KHDC1: variants seen among roughly 807,000 people sequenced by gnomAD.
The protein encoded by KHDC1 is KH domain containing 1.
Under a neutral mutation model 24.7 loss-of-function variants are expected in KHDC1, and 21 were observed. The observed-to-expected ratio is 0.85, with a 90% CI of 0.60 to 1.23. The LOEUF (loss-of-function observed/expected upper bound fraction) is 1.23. Among genes scored for constraint, KHDC1 ranks in the 50% most tolerant of loss-of-function variants. The pLI is 0.00. For synonymous variants in KHDC1, 98 were observed against 111.7 expected, an observed-to-expected ratio of 0.88 and a Z score of 0.77; for missense variants, 274 against 298.5, an observed-to-expected ratio of 0.92 and a Z score of 0.61.
At chr6:73,256,623 C>T (rs1766884301) in intron 2 of KHDC1, among the ~76,000 whole-genome samples, 2 of 152,208 alleles carry the variant, frequency 1.3e-5, no homozygotes, top group South Asian at 4.1e-4. Context: ...CACACTTTAG[C>T]ACTGCACATT....
chr6:73,263,214 A>G lies in KHDC1; in HGVS notation c.207-20684T>C, dbSNP rs1156627046. On this transcript the variant is annotated intron_variant, in intron 2 of 4. Transcript: ENST00000370384. ...GCGGAAGTGGCGGCGACCCCGCCGG[A>G]AGCGCGCGGCTGCGGCGCGGGAAGC... 9.1e-5 allele frequency: 90 copies of G among 986,958 alleles called. No individual in the cohort carries two copies. The highest frequency in any genetic ancestry group is 1.1e-4 in the Non-Finnish European group (89 of 830,810). The allele number at this position is 986,958 out of a possible 1,614,324, so 61.1% of individuals were successfully genotyped here.
rs796439019 is a variant in KHDC1 at position 73,288,440 on chromosome 6, G to A, written c.206+3558C>T. Among the ~76,000 whole-genome samples, 5 of 152,246 alleles carry A rather than the reference G, an allele frequency of 3.3e-5. No homozygotes were observed. In the South Asian group the frequency reaches 1.0e-3, roughly 32 times the overall value. On this transcript the variant is annotated intron_variant, in intron 2 of 4. Transcript: ENST00000370384. ...GTTCAAGACCAGCCTGGGCAACATG[G>A]TTAAACCCCATCTCTACTAAAAATA... is the stretch of plus-strand genomic sequence containing the variant.
intron 1 of KHDC1, among the ~76,000 whole-genome samples, chr6:73,294,657 T>G (rs1359724376): frequency 6.6e-6 from 1 of 152,222 alleles, no homozygotes; most frequent in Non-Finnish European, 1.5e-5. Context: ...AGTGATAAAT[T>G]ATTTAATTTT....
intron 1 of KHDC1, among the ~76,000 whole-genome samples, chr6:73,303,045 C>G (rs1284350443): frequency 6.6e-6 from 1 of 152,084 alleles, no homozygotes; most frequent in Admixed American, 6.6e-5. Context: ...CCACTGCACT[C>G]CAGCCTGGGC....
Position 73,285,277 on chromosome 6 carries a change from G to A in KHDC1, c.206+6721C>T, listed in dbSNP as rs561689556. Among the ~76,000 whole-genome samples the A allele has an allele frequency of 5.3e-5, 8 of 151,888 alleles. No individual in the cohort carries two copies. The East Asian group carries it at 5.8e-4, about 11-fold the overall frequency. ...AATTCCACCAGTCCTACCAGAGACC[G>A]CAGGTTGACTCTGCTGATTTGGCCT... is the stretch of plus-strand genomic sequence containing the variant. On this transcript the variant is annotated intron_variant, in intron 2 of 4. Transcript: ENST00000370384.
At chr6:73,242,006 A>G in intron 4 of KHDC1, 49 bp downstream of exon 3, 1 of 1,560,230 alleles carries the variant, frequency 6.4e-7, no homozygotes, top group Middle Eastern at 1.7e-4. Flanking sequence ...CAACTTAGCC[A>G]GAACTCCACC....
intron 2 of KHDC1, chr6:73,269,143 A>T (rs1767136021): frequency 6.5e-6 from 1 of 153,506 alleles, no homozygotes; most frequent in Admixed American, 6.5e-5. Context: ...GCCCGGGGCC[A>T]GCAGGGCCGG....
chr6:73,286,936 G>A (rs1767534337), intron 2 of KHDC1, among the ~76,000 whole-genome samples: 1 of 151,772 alleles, frequency 6.6e-6, no homozygotes, highest in Non-Finnish European at 1.5e-5. Context: ...CCCTGACTAG[G>A]ATCCTGAAAG....
Position 73,309,719 on chromosome 6 carries a change from C to T in KHDC1, c.-5G>A, listed in dbSNP as rs958719399. On this transcript the variant is annotated 5_prime_UTR_variant, in exon 1 of 5. Transcript: ENST00000370384. ...CCTCTGGAAGGCCGACAGCATTTCG[C>T]GTTTCTGGCCTGGGAAAGTAAGGGT... 5.2e-6 allele frequency: 8 copies of T among 1,549,566 alleles called. No homozygotes were observed. In the African/African-American group the frequency reaches 5.5e-5, roughly 11 times the overall value.
At position 73,271,163 on chromosome 6, in the gene KHDC1, C is replaced by A. The variant is rs192836226; in HGVS notation, c.206+20835G>T. 1.2e-3 allele frequency among the ~76,000 whole-genome samples: 187 copies of A among 152,098 alleles called. 1 individual carries two copies. The highest frequency in any genetic ancestry group is 2.0e-3 in the Non-Finnish European group (139 of 67,986). On this transcript the variant is annotated intron_variant, in intron 2 of 4. Coordinates refer to ENST00000370384, the Ensembl canonical transcript of KHDC1. ...AGAATGTAGCAAAGTCTATTAATTT[C>A]TTTTTGAAATATATAGACATGATGT...
At chr6:73,261,298 C>T (rs1766975020) in intron 2 of KHDC1, among the ~76,000 whole-genome samples, 1 of 151,790 alleles carries the variant, frequency 6.6e-6, no homozygotes, top group African/African-American at 2.4e-5. Context: ...CAAAAATTAG[C>T]TGGGCATGGT....
At chr6:73,266,026 TACAAAAAGCATTG>T (rs971183578) in intron 2 of KHDC1, among the ~76,000 whole-genome samples, 4 of 152,156 alleles carry the variant, frequency 2.6e-5, no homozygotes, top group African/African-American at 9.7e-5. Flanking sequence ...TTAGTATCCA[TACAAAAAGCATTG>T]ACAAAAAGCA....
At chr6:73,281,336 C>CA (rs538844143) in intron 2 of KHDC1, among the ~76,000 whole-genome samples, 6,880 of 133,464 alleles carry the variant, frequency 0.052, 160 homozygotes, top group Middle Eastern at 0.084. Context: ...GAGACTCTCT[C>CA]AAAAAAAAAA....
intron 1 of KHDC1, among the ~76,000 whole-genome samples, chr6:73,297,234 T>A (rs896730494): frequency 6.6e-6 from 1 of 152,128 alleles, no homozygotes; most frequent in Non-Finnish European, 1.5e-5. Context: ...CTGTATACAA[T>A]ACACACAGTT....
chr6:73,243,372 A>G (rs978402982), intron 2 of KHDC1, among the ~76,000 whole-genome samples: 2 of 152,242 alleles, frequency 1.3e-5, no homozygotes, highest in East Asian at 1.9e-4. Context: ...TCAACTTTTG[A>G]CCAAAGACAA....
rs117445076 is a variant in KHDC1, at chr6:73,243,364, A to G, written c.207-834T>C. Among the ~76,000 whole-genome samples, 1,119 of 152,226 alleles carry G rather than the reference A, an allele frequency of 7.4e-3. 29 individuals carry two copies. The East Asian group carries it at 0.074, about 10-fold the overall frequency. On this transcript the variant is annotated intron_variant, in intron 2 of 4. Coordinates refer to ENST00000370384, the Ensembl canonical transcript of KHDC1. ...AGGTGCTTTTTCACTCTTCAGCCTC[A>G]ACTTTTGACCAAAGACAAAGTCAGC...
intron 1 of KHDC1, among the ~76,000 whole-genome samples, chr6:73,307,553 G>C (rs1186167617): frequency 6.6e-6 from 1 of 152,122 alleles, no homozygotes; most frequent in Non-Finnish European, 1.5e-5. Context: ...CCATTTCCCT[G>C]TCCTCATCTT....
chr6:73,286,562 T>C (rs1276098554), intron 2 of KHDC1, among the ~76,000 whole-genome samples: 1 of 152,154 alleles, frequency 6.6e-6, no homozygotes, highest in Non-Finnish European at 1.5e-5. Context: ...GAATGTGTTA[T>C]GACAAAGAGC....
rs1471033827 is a variant in KHDC1, at chr6:73,247,894, A to AAGTGG, written c.207-5369_207-5365dup. On this transcript the variant is annotated intron_variant, in intron 2 of 4. Coordinates refer to ENST00000370384, the Ensembl canonical transcript of KHDC1. ...AAAAAAGAGAGAGAGAATCAAGTGGAAGTGGTAGCCCCTTGCAAGAAGGAG... is the reference window on the plus strand; with the variant it reads ...AAAAAAGAGAGAGAGAATCAAGTGGAAGTGGAGTGGTAGCCCCTTGCAAGAAGGAG... Among the ~76,000 whole-genome samples, 6 of 150,294 alleles carry AAGTGG rather than the reference A, an allele frequency of 4.0e-5. No homozygotes were observed. In the East Asian group the frequency reaches 1.2e-3, roughly 29 times the overall value.
Sources: gnomAD v4.1 joint callset for allele counts (sites outside exome capture counted in the v4.1 genomes callset) on GRCh38, gnomAD v4.1.1 for gene constraint, MANE v1.5 for transcripts, NCBI Gene and HGNC (gene_info 2026-07-23, HGNC 2026-07-21) for gene names.